DSCAM: variants seen among roughly 807,000 people sequenced by gnomAD.
DSCAM encodes the protein DS cell adhesion molecule.
In DSCAM, 47 loss-of-function variants were observed where a neutral mutation model predicts 217.7. That is an observed-to-expected ratio of 0.22 (90% CI 0.17 to 0.28). The LOEUF (loss-of-function observed/expected upper bound fraction) is 0.28, where lower values mean the gene tolerates loss of function less well. DSCAM is among the 10% of genes least tolerant of loss of function. DSCAM has a pLI of 1.00. For synonymous variants in DSCAM, 1,056 were observed against 1,015.3 expected (o/e 1.04, Z -0.76); for missense variants, 2,080 against 2,618.3 (o/e 0.79, Z 4.49).
intron 3 of DSCAM, among the ~76,000 whole-genome samples, chr21:40,648,646 C>T (rs1476051264): frequency 1.3e-5 from 2 of 152,118 alleles, no homozygotes; most frequent in African/African-American, 4.8e-5. Flanking sequence ...TCTACACTGT[C>T]GTGCCTTTGA....
At chr21:40,119,351 AAATCAG>A (rs2090006897) in intron 20 of DSCAM, among the ~76,000 whole-genome samples, 1 of 152,200 alleles carries the variant, frequency 6.6e-6, no homozygotes, top group African/African-American at 2.4e-5. Flanking sequence ...ATCGTAAGCT[AAATCAG>A]AACACAGGAA....
rs1484280011 is a variant in DSCAM, at chr21:40,846,632, C to G, written c.30G>C (p.Gln10His). The change falls in exon 1 of 33, where the codon CAG becomes CAC. Residue 10 changes from glutamine (Q) to histidine (H), a missense_variant. This residue lies in a region of DSCAM where 568 missense variants were observed against 678.1 expected (regional missense o/e 0.84). Transcript: ENST00000400454. ...CGAAAGGCTCACCATTCGCGAAGCT[C>G]TGGAACAAGGAGAGAGCCAGTATCC... MWILALSLF[Q>H]SFANVFSEDL... 6 of 1,359,308 alleles carry G rather than the reference C, an allele frequency of 4.4e-6. No individual in the cohort carries two copies. The highest frequency in any genetic ancestry group is 5.7e-6 in the Non-Finnish European group (6 of 1,051,412). The allele number at this position is 1,359,308 out of a possible 1,614,324, so 84.2% of individuals were successfully genotyped here.
At chr21:40,084,919 AT>A (rs1358796923) in intron 23 of DSCAM, among the ~76,000 whole-genome samples, 1 of 151,976 alleles carries the variant, frequency 6.6e-6, no homozygotes, top group Non-Finnish European at 1.5e-5. Context: ...TATTGATTTT[AT>A]TTTTACTTGC....
At chr21:40,573,634 A>C (rs1425271385) in intron 3 of DSCAM, among the ~76,000 whole-genome samples, 1 of 152,138 alleles carries the variant, frequency 6.6e-6, no homozygotes, top group African/African-American at 2.4e-5. Context: ...AAAACAACTA[A>C]AATATAAGAA....
At chr21:40,466,261 G>T (rs1198796940) in intron 3 of DSCAM, among the ~76,000 whole-genome samples, 3 of 152,162 alleles carry the variant, frequency 2.0e-5, no homozygotes, top group Non-Finnish European at 4.4e-5. Flanking sequence ...ATTCACTCCT[G>T]TCTAGACCCA....
At chr21:40,388,575 G>A (rs1221108909) in intron 3 of DSCAM, among the ~76,000 whole-genome samples, 1 of 152,146 alleles carries the variant, frequency 6.6e-6, no homozygotes, top group Non-Finnish European at 1.5e-5. Flanking sequence ...GTTTCCATAA[G>A]GCTGTCATGG....
intron 3 of DSCAM, among the ~76,000 whole-genome samples, chr21:40,633,069 T>A (rs2089713630): frequency 6.6e-6 from 1 of 152,194 alleles, no homozygotes. Flanking sequence ...TCCATATTGA[T>A]TTGCTATTTA....
At chr21:40,421,134 G>C (rs757649646) in intron 3 of DSCAM, among the ~76,000 whole-genome samples, 15 of 152,204 alleles carry the variant, frequency 9.9e-5, no homozygotes, top group Non-Finnish European at 1.8e-4. Flanking sequence ...CATGAAGAAA[G>C]ACAGAGGAAT....
intron 3 of DSCAM, among the ~76,000 whole-genome samples, chr21:40,486,674 T>C (rs2076031139): frequency 6.6e-6 from 1 of 152,180 alleles, no homozygotes; most frequent in African/African-American, 2.4e-5. Context: ...AATACAGCAC[T>C]GTTTAAGCAT....
At chr21:40,327,286 T>C (rs1210898475) in intron 8 of DSCAM, among the ~76,000 whole-genome samples, 1 of 152,176 alleles carries the variant, frequency 6.6e-6, no homozygotes. Flanking sequence ...TACATAATTC[T>C]CTCCTTCTCT....
intron 1 of DSCAM, among the ~76,000 whole-genome samples, chr21:40,745,686 C>T (rs1437444432): frequency 1.3e-5 from 2 of 152,146 alleles, no homozygotes. Context: ...GAAAAGGGTG[C>T]TAATTTGTAA....
chr21:40,197,085 ATCT>A (rs1458427055), intron 11 of DSCAM, among the ~76,000 whole-genome samples: 1 of 152,104 alleles, frequency 6.6e-6, no homozygotes, highest in Admixed American at 6.5e-5. Context: ...TCTACTTGAC[ATCT>A]TCTCCCCTTT....
chr21:40,102,435 G>A (rs2089763831), intron 20 of DSCAM, among the ~76,000 whole-genome samples: 4 of 152,080 alleles, frequency 2.6e-5, no homozygotes, highest in Admixed American at 1.3e-4. Flanking sequence ...GGGTAGAGTC[G>A]TGGGTTCCTA....
intron 31 of DSCAM, 149 bp downstream of exon 31, chr21:40,043,929 T>A: frequency 1.3e-6 from 1 of 799,278 alleles, no homozygotes; most frequent in Non-Finnish European, 2.0e-6. Context: ...AACTGTTAGA[T>A]AAACCGCGTA....
chr21:40,528,898 C>CTTTTTT lies in DSCAM; in HGVS notation c.509-159659_509-159654dup, dbSNP rs911356584. Among the ~76,000 whole-genome samples, 108 of 99,380 alleles carry CTTTTTT rather than the reference C, an allele frequency of 1.1e-3. 6 individuals carry two copies. The highest frequency in any genetic ancestry group is 2.1e-3 in the South Asian group (5 of 2,382). The allele number at this position is 99,380 out of a possible 152,430, so 65.2% of individuals were successfully genotyped here. A position where few individuals can be genotyped will look rare whatever the true frequency, so the allele number is the denominator to read the frequency against. On this transcript the variant is annotated intron_variant, in intron 3 of 32. Transcript: ENST00000400454. Reference sequence around the variant, plus strand: ...TCTTTGGCAATGTCCAGGCTTTCCACTTTTTTTTTTTTTTTTTTTTTTTGA... The same window carrying CTTTTTT: ...TCTTTGGCAATGTCCAGGCTTTCCACTTTTTTTTTTTTTTTTTTTTTTTTTTTTTGA...
intron 18 of DSCAM, among the ~76,000 whole-genome samples, chr21:40,138,343 G>A (rs1296797021): frequency 1.3e-5 from 2 of 150,126 alleles, no homozygotes; most frequent in African/African-American, 4.9e-5. Flanking sequence ...TGTGTATGAG[G>A]TATATGTTGT....
At chr21:40,673,716 G>A (rs4818157) in intron 3 of DSCAM, among the ~76,000 whole-genome samples, 134,867 of 152,082 alleles carry the variant, frequency 0.89, 59,942 homozygotes, top group East Asian at 1. Flanking sequence ...AGTTCTCATG[G>A]GACCTGGTTG....
intron 6 of DSCAM, among the ~76,000 whole-genome samples, chr21:40,346,889 C>T (rs192583681): frequency 1.3e-5 from 2 of 152,136 alleles, no homozygotes; most frequent in Non-Finnish European, 2.9e-5. Flanking sequence ...GAGGCTATTG[C>T]CCCCACCCCA....
intron 5 of DSCAM, among the ~76,000 whole-genome samples, chr21:40,349,963 T>C (rs1288286045): frequency 1.3e-5 from 2 of 152,146 alleles, no homozygotes; most frequent in African/African-American, 2.4e-5. Flanking sequence ...GACATATAAA[T>C]ATATCTTTTA....
Sources: gnomAD v4.1 joint callset for allele counts (sites outside exome capture counted in the v4.1 genomes callset) on GRCh38, gnomAD v4.1.1 for gene constraint, gnomAD v4.1.1 regional missense constraint, MANE v1.5 for transcripts, NCBI Gene and HGNC (gene_info 2026-07-23, HGNC 2026-07-21) for gene names.